The following FAM111B variants were observed in gnomAD, a reference collection of about 807,000 sequenced individuals.
The protein encoded by FAM111B is serine protease FAM111B.
Under a neutral mutation model 2.8 loss-of-function variants are expected in FAM111B, and 1 was observed. That is an observed-to-expected ratio of 0.36 (90% confidence interval 0.13 to 1.70). FAM111B has a LOEUF of 1.70. Among genes scored for constraint, FAM111B ranks in the 40% most tolerant of loss-of-function variants. The pLI is 0.35. For synonymous variants in FAM111B, 297 were observed against 295.6 expected (o/e 1.00, Z -0.05); for missense variants, 882 against 878.9 (o/e 1.00, Z -0.04).
intron 3 of FAM111B, 42 bp from the exon 4 acceptor site, chr11:59,124,137 A>G (rs1245313303): frequency 1.5e-6 from 2 of 1,365,318 alleles, no homozygotes; most frequent in Non-Finnish European, 2.0e-6. Flanking sequence ...AAACATTATT[A>G]AAGGTGATTC....
In FAM111B at chr11:59,126,009, A is replaced by G. The variant is rs1565191659; in HGVS notation, c.1912A>G (p.Thr638Ala). ...SFLSEVWNTH[T>A]LSYDTCFSDG... is the part of the protein sequence containing the mutation. ...CCTATCAGAGGTTTGGAACACACAC[A>G]CGCTTAGTTATGATACTTGTTTCTC... The change falls in exon 4 of 4, where the codon ACG (threonine) becomes GCG (alanine). Residue 638 changes from threonine (T) to alanine (A), a missense_variant. By Grantham distance (58) the Thr-to-Ala change is moderately conservative. Transcript: ENST00000343597. 8 of 1,613,908 alleles carry G rather than the reference A, an allele frequency of 5.0e-6. No individual in the cohort carries two copies. The highest frequency in any genetic ancestry group is 5.9e-6 in the Non-Finnish European group (7 of 1,179,860).
chr11:59,124,083 T>C (rs1016494812), intron 3 of FAM111B, 96 bp from the exon 4 acceptor site: 2 of 786,312 alleles, frequency 2.5e-6, no homozygotes, highest in Non-Finnish European at 3.8e-6. Flanking sequence ...TATTATCTAA[T>C]TTTTATTCAT....
intron 3 of FAM111B, among the ~76,000 whole-genome samples, chr11:59,117,541 A>C (rs1008838248): frequency 6.6e-6 from 1 of 152,106 alleles, no homozygotes; most frequent in Non-Finnish European, 1.5e-5. Context: ...TATCTCACTT[A>C]CCAAGCACAG....
Position 59,125,390 on chromosome 11 carries a change from C to A in FAM111B, c.1293C>A (p.Phe431Leu). The A allele has an allele frequency of 6.2e-7, 1 of 1,613,912 alleles. No individual in the cohort carries two copies. Among genetic ancestry groups the A allele is most frequent in the Non-Finnish European group, 8.5e-7 (1 of 1,179,834 alleles). Residue 431 changes from phenylalanine to leucine, a missense_variant, in exon 4 of 4, where the codon TTC becomes TTA. Transcript: ENST00000343597. ...KRMNLSPAKQ[F>L]NIYKKDFGKM... ...TGAATCTTTCACCAGCTAAGCAATTCAACATATATAAAAAGGACTTCGGAA... is the reference window on the plus strand; with the variant it reads ...TGAATCTTTCACCAGCTAAGCAATTAAACATATATAAAAAGGACTTCGGAA...
chr11:59,118,570 A>G (rs1289365464), intron 3 of FAM111B, among the ~76,000 whole-genome samples: 1 of 152,076 alleles, frequency 6.6e-6, no homozygotes, highest in Non-Finnish European at 1.5e-5. Context: ...TTTTTATTGC[A>G]CTGGCTAAAA....
In FAM111B at chr11:59,125,301, T is replaced by C. The variant is rs1281132439; in HGVS notation, c.1204T>C (p.Tyr402His). 3 of 1,613,852 alleles carry C rather than the reference T, an allele frequency of 1.9e-6. No individual in the cohort carries two copies. The highest frequency in any genetic ancestry group is 2.5e-6 in the Non-Finnish European group (3 of 1,179,872). The change falls in exon 4 of 4, where the codon TAT becomes CAT. Residue 402 changes from tyrosine to histidine, a missense_variant. By Grantham distance (83) the Tyr-to-His change is moderately conservative. Coordinates refer to ENST00000343597, the MANE Select transcript of FAM111B (RefSeq NM_198947.4). The part of the protein sequence containing the change: ...QTLNEAIMHQ[Y>H]PNFKEEAQWV... ...GTTGAATGAAGCCATAATGCATCAG[T>C]ATCCGAATTTTAAAGAGGAGGCACA...
chr11:59,124,478 G>C lies in FAM111B; in HGVS notation c.381G>C (p.Lys127Asn). 1 of 1,613,362 alleles carries C rather than the reference G, an allele frequency of 6.2e-7. No individual in the cohort carries two copies. ...FSERIKNQFN[K>N]NIIVYEEKTI... ...AAAGGATAAAGAATCAGTTTAATAA[G>C]AACATTATTGTTTATGAAGAAAAGA... Residue 127 changes from lysine to asparagine, a missense_variant, in exon 4 of 4, where the codon AAG (lysine) becomes AAC (asparagine). Transcript: ENST00000343597.
intron 3 of FAM111B, among the ~76,000 whole-genome samples, chr11:59,115,295 G>A (rs1859822472): frequency 6.6e-6 from 1 of 152,180 alleles, no homozygotes; most frequent in Non-Finnish European, 1.5e-5. Context: ...GAAAGTCAAG[G>A]AATAGGAAGG....
intron 3 of FAM111B, chr11:59,109,960 G>C: frequency 3.8e-6 from 1 of 262,120 alleles, no homozygotes; most frequent in Non-Finnish European, 7.3e-6. Flanking sequence ...GGAAAGTGTA[G>C]ACAGGCAAAA....
chr11:59,118,475 T>G (rs1859872909), intron 3 of FAM111B, among the ~76,000 whole-genome samples: 1 of 152,230 alleles, frequency 6.6e-6, no homozygotes, highest in African/African-American at 2.4e-5. Flanking sequence ...TTGTCAGAGT[T>G]TTCTTCATAG....
At chr11:59,119,211 C>G (rs370997928) in intron 3 of FAM111B, among the ~76,000 whole-genome samples, 8 of 152,316 alleles carry the variant, frequency 5.3e-5, no homozygotes, top group African/African-American at 1.9e-4. Flanking sequence ...GGGACCCTCT[C>G]TGTACAGTCC....
intron 3 of FAM111B, among the ~76,000 whole-genome samples, chr11:59,115,538 T>C (rs926976653): frequency 6.6e-6 from 1 of 152,218 alleles, no homozygotes; most frequent in African/African-American, 2.4e-5. Flanking sequence ...GGCTTATTCT[T>C]GAATACAAGG....
chr11:59,125,146 T>G lies in FAM111B; in HGVS notation c.1049T>G (p.Phe350Cys). 1 of 1,613,956 alleles carries G rather than the reference T, an allele frequency of 6.2e-7. No homozygotes were observed. The highest frequency in any genetic ancestry group is 8.5e-7 in the Non-Finnish European group (1 of 1,179,862). Residue 350 changes from phenylalanine (F) to cysteine (C), a missense_variant, in exon 4 of 4, where the codon TTT (phenylalanine) becomes TGT (cysteine). Transcript: ENST00000343597. ...ATTCCCAGGATTAGAAATTATTACT[T>G]TTGTAGTTTGCCCCGAAAATATAGG... ...QTIPRIRNYYFCSLPRKYRQI... is the reference protein window; with the variant it reads ...QTIPRIRNYYCCSLPRKYRQI...
At position 59,125,528 on chromosome 11, in the gene FAM111B, C is replaced by T. The variant is rs1860010022; in HGVS notation, c.1431C>T (p.Cys477=). The T allele has an allele frequency of 6.2e-7, 1 of 1,613,946 alleles. No homozygotes were observed. The highest frequency in any genetic ancestry group is 8.5e-7 in the Non-Finnish European group (1 of 1,179,842). Residue 477 remains cysteine, a synonymous_variant, in exon 4 of 4, where the codon TGC becomes TGT. Coordinates refer to ENST00000343597, the MANE Select transcript of FAM111B (RefSeq NM_198947.4). The stretch of plus-strand genomic sequence containing the variant: ...ATGGAAACACAGGTAATGCTACTTG[C>T]TTTGTCTTCAATGGTGGTTATATTT... ...DNNGNTGNAT[C]FVFNGGYIFT... is the part of the protein sequence containing the mutation.
At position 59,125,306 on chromosome 11, in the gene FAM111B, G is replaced by A. The variant is rs1860003917; in HGVS notation, c.1209G>A (p.Pro403=). ...ATGAAGCCATAATGCATCAGTATCC[G>A]AATTTTAAAGAGGAGGCACAGTGGG... is the stretch of plus-strand genomic sequence containing the variant. ...TLNEAIMHQY[P]NFKEEAQWVR... The change falls in exon 4 of 4, where the codon CCG becomes CCA. Residue 403 remains proline (P), a synonymous_variant. Transcript: ENST00000343597. 4 of 1,613,814 alleles carry A rather than the reference G, an allele frequency of 2.5e-6. No homozygotes were observed. The highest frequency in any genetic ancestry group is 1.3e-5 in the African/African-American group (1 of 74,914).
In FAM111B at chr11:59,124,594, G is replaced by A. The variant is rs1859980237; in HGVS notation, c.497G>A (p.Ser166Asn). 1.2e-6 allele frequency: 2 copies of A among 1,613,682 alleles called. No homozygotes were observed. Residue 166 changes from serine to asparagine, a missense_variant, in exon 4 of 4, where the codon AGC becomes AAC. Transcript: ENST00000343597. Reference protein sequence around the residue: ...FKITFGQRKSSKEDGHILRQC... With the variant: ...FKITFGQRKSNKEDGHILRQC... Reference sequence around the variant, plus strand: ...ATTACATTTGGTCAAAGAAAGAGTAGCAAAGAAGATGGACACATATTACGC... The same window carrying A: ...ATTACATTTGGTCAAAGAAAGAGTAACAAAGAAGATGGACACATATTACGC...
intron 3 of FAM111B, among the ~76,000 whole-genome samples, chr11:59,122,012 A>T (rs1859930495): frequency 6.6e-6 from 1 of 152,118 alleles, no homozygotes; most frequent in Non-Finnish European, 1.5e-5. Flanking sequence ...GCATGGTGGC[A>T]TGCACCTGTA....
chr11:59,125,294 G>A lies in FAM111B; in HGVS notation c.1197G>A (p.Met399Ile). 6.2e-7 allele frequency: 1 copy of A among 1,613,932 alleles called. No homozygotes were observed. The highest frequency in any genetic ancestry group is 8.5e-7 in the Non-Finnish European group (1 of 1,179,864). Residue 399 changes from methionine to isoleucine, a missense_variant, in exon 4 of 4, where the codon ATG becomes ATA. Met to Ile is a conservative substitution (Grantham distance 10, BLOSUM62 1). Transcript: ENST00000343597. ...ATCAAACGTTGAATGAAGCCATAATGCATCAGTATCCGAATTTTAAAGAGG... is the reference window on the plus strand; with the variant it reads ...ATCAAACGTTGAATGAAGCCATAATACATCAGTATCCGAATTTTAAAGAGG... ...KNYQTLNEAI[M>I]HQYPNFKEEA...
In FAM111B at chr11:59,126,885, CTG is replaced by C; in HGVS notation, c.*584_*585del. 6.3e-6 allele frequency: 1 copy of C among 159,890 alleles called. No homozygotes were observed. The highest frequency in any genetic ancestry group is 2.4e-5 in the African/African-American group (1 of 41,548). 9.9% of individuals were successfully genotyped at this position (159,890 alleles called of 1,614,324 possible). A position where few individuals can be genotyped will look rare whatever the true frequency, so the allele number is the denominator to read the frequency against. On this transcript the variant is annotated 3_prime_UTR_variant, in exon 4 of 4. Transcript: ENST00000343597. ...ACCATTCAAGCCAGCAATCTCATGA[CTG>C]GGTATATGTCCAAAGGAATATAAAT...
Sources: gnomAD v4.1 joint callset for allele counts (sites outside exome capture counted in the v4.1 genomes callset) on GRCh38, gnomAD v4.1.1 for gene constraint, MANE v1.5 for transcripts, NCBI Gene and HGNC (gene_info 2026-07-23, HGNC 2026-07-21) for gene names.